Variants in HERC2 observed in about 807,000 individuals in gnomAD.
The protein encoded by HERC2 is E3 ubiquitin-protein ligase HERC2.
HERC2 carries 102 observed loss-of-function variants against 537.7 expected under a neutral mutation model. That is an observed-to-expected ratio of 0.19 (90% confidence interval 0.16 to 0.22). The LOEUF (loss-of-function observed/expected upper bound fraction) is 0.22. HERC2 is among the 10% of genes least tolerant of loss of function. HERC2 has a pLI of 1.00. For synonymous variants in HERC2, 2,224 were observed against 2,466.2 expected, an observed-to-expected ratio of 0.90 and a Z score of 2.91; for missense variants, 4,236 against 6,198.2, an observed-to-expected ratio of 0.68 and a Z score of 10.63.
At chr15:28,219,492 G>T (rs1382353202) in intron 37 of HERC2, among the ~76,000 whole-genome samples, 1 of 152,202 alleles carries the variant, frequency 6.6e-6, no homozygotes, top group African/African-American at 2.4e-5. Context: ...TCAGGGACAG[G>T]GTTCCAGGTG....
intron 4 of HERC2, among the ~76,000 whole-genome samples, chr15:28,281,451 C>G (rs1423471316): frequency 1.3e-5 from 2 of 152,196 alleles, no homozygotes; most frequent in African/African-American, 4.8e-5. Context: ...ACCAGCCTCG[C>G]AGCCCTGGAT....
chr15:28,191,172 T>A lies in HERC2; in HGVS notation c.8524A>T (p.Ser2842Cys). Reference protein sequence around the residue: ...RLKMIVDPADSSYMPSLVVVS... With the variant: ...RLKMIVDPADCSYMPSLVVVS... ...ACAACCAGGGACGGCATGTAGCTAC[T>A]GTCAGCAGGATCTACGATCATTTTT... Residue 2842 changes from serine to cysteine, a missense_variant, in exon 54 of 93, where the codon AGT (serine) becomes TGT (cysteine). By Grantham distance (112) the Ser-to-Cys change is moderately radical. Coordinates refer to ENST00000261609, the MANE Select transcript of HERC2 (RefSeq NM_004667.6). 1 of 1,613,850 alleles carries A rather than the reference T, an allele frequency of 6.2e-7. No homozygotes were observed. Among genetic ancestry groups the A allele is most frequent in the South Asian group, 1.1e-5 (1 of 91,074 alleles).
chr15:28,176,834 C>A lies in HERC2; in HGVS notation c.9433-66G>T. 1.3e-6 allele frequency: 2 copies of A among 1,585,570 alleles called. No individual in the cohort carries two copies. The highest frequency in any genetic ancestry group is 1.7e-6 in the Non-Finnish European group (2 of 1,157,682). On this transcript the variant is annotated intron_variant, in intron 61 of 92. Coordinates refer to ENST00000261609, the MANE Select transcript of HERC2 (RefSeq NM_004667.6). The surrounding 1 kb of genome is among the most constrained non-coding windows in gnomAD (Gnocchi z 5.0). ...ACGGAGAAAGCAATGGATTTTCCCA[C>A]AGATAAAGCCAACCATGCACACATC...
At chr15:28,181,013 A>G (rs1381896866) in intron 57 of HERC2, among the ~76,000 whole-genome samples, 1 of 152,214 alleles carries the variant, frequency 6.6e-6, no homozygotes, top group Non-Finnish European at 1.5e-5. Flanking sequence ...TATAATGTAA[A>G]GATAAAAACA....
Position 28,312,954 on chromosome 15 carries a change from T to C in HERC2, c.72+8408A>G, listed in dbSNP as rs370324175. ...GAGGCAGTAACAGGCTCACTTTTTG[T>C]TAGTTACTAAACTGAAGCTCAGAAG... On this transcript the variant is annotated intron_variant, in intron 2 of 92. Coordinates refer to ENST00000261609, the MANE Select transcript of HERC2 (RefSeq NM_004667.6). 177 of 165,596 alleles carry C rather than the reference T, an allele frequency of 1.1e-3. 2 individuals carry two copies. The South Asian group carries it at 0.015, about 14-fold the overall frequency. 10.3% of individuals were successfully genotyped at this position (165,596 alleles called of 1,614,324 possible). A position where few individuals can be genotyped will look rare whatever the true frequency, so the allele number is the denominator to read the frequency against.
Position 28,125,066 on chromosome 15 carries a change from T to C in HERC2, c.12930A>G (p.Ser4310=). 6.2e-7 allele frequency: 1 copy of C among 1,613,466 alleles called. No individual in the cohort carries two copies. The highest frequency in any genetic ancestry group is 8.5e-7 in the Non-Finnish European group (1 of 1,179,404). The part of the protein sequence containing the change: ...GKKVNRVACG[S]AHTLAWSTSK... ...TGGTCGACCAGGCGAGGGTATGTGC[T>C]GAGCCACAGGCCACACGGTTGACCT... Residue 4310 remains serine (S), a synonymous_variant, in exon 84 of 93, where the codon TCA becomes TCG. Transcript: ENST00000261609.
chr15:28,222,834 C>T (rs1900668865), intron 35 of HERC2, among the ~76,000 whole-genome samples: 1 of 152,158 alleles, frequency 6.6e-6, no homozygotes. Flanking sequence ...GTGTGATCAG[C>T]CCTAATGGAA....
chr15:28,150,861 C>CT (rs1339037015), intron 70 of HERC2, among the ~76,000 whole-genome samples: 2 of 152,022 alleles, frequency 1.3e-5, no homozygotes, highest in Non-Finnish European at 2.9e-5. Context: ...TGATCCAAGG[C>CT]TTTAATATCC....
At chr15:28,304,859 C>A (rs553962242) in intron 2 of HERC2, among the ~76,000 whole-genome samples, 1 of 116,574 alleles carries the variant, frequency 8.6e-6, no homozygotes, top group Non-Finnish European at 1.8e-5. Context: ...ACCCCTCCCC[C>A]CTCCCCCCAC....
intron 23 of HERC2, among the ~76,000 whole-genome samples, chr15:28,240,017 ACT>A (rs1902890521): frequency 6.6e-6 from 1 of 152,200 alleles, no homozygotes; most frequent in African/African-American, 2.4e-5. Flanking sequence ...TTAAGGAATC[ACT>A]GTTAATCTTA....
chr15:28,121,738 G>A (rs1888915441), intron 85 of HERC2, among the ~76,000 whole-genome samples: 2 of 152,216 alleles, frequency 1.3e-5, no homozygotes, highest in African/African-American at 4.8e-5. Context: ...AACAGGGAGG[G>A]CTGGGCCTGG....
At chr15:28,118,008 T>G in intron 86 of HERC2, 1 of 203,592 alleles carries the variant, frequency 4.9e-6, no homozygotes, top group African/African-American at 2.3e-5. Flanking sequence ...TCTTCACCTT[T>G]AGCTCACTTA....
intron 44 of HERC2, among the ~76,000 whole-genome samples, chr15:28,208,164 A>T (rs1898692437): frequency 6.6e-6 from 1 of 152,124 alleles, no homozygotes; most frequent in Non-Finnish European, 1.5e-5. Context: ...GATTTCTTTC[A>T]TCCTCAGCAG....
Position 28,262,989 on chromosome 15 carries a change from C to T in HERC2, c.2051G>A (p.Gly684Asp). The change falls in exon 15 of 93, where the codon GGT becomes GAT. Residue 684 changes from glycine to aspartate, a missense_variant. Physicochemically the swap from Gly to Asp is moderately conservative, Grantham distance 94 (BLOSUM62 -1). Around this residue, in one of 27 missense-constraint regions of HERC2, gnomAD observed 754 missense variants for 1,085.0 expected, o/e 0.69. Transcript: ENST00000261609. Reference protein sequence around the residue: ...KDGQVYSWGKGDNQRLGHGTE... With the variant: ...KDGQVYSWGKDDNQRLGHGTE... ...TCCATGTCCAAGTCTCTGGTTGTCACCTTTTCCCCATGAATAAACTTGGCC... is the reference window on the plus strand; with the variant it reads ...TCCATGTCCAAGTCTCTGGTTGTCATCTTTTCCCCATGAATAAACTTGGCC... 6.2e-7 allele frequency: 1 copy of T among 1,614,188 alleles called. No individual in the cohort carries two copies. The highest frequency in any genetic ancestry group is 8.5e-7 in the Non-Finnish European group (1 of 1,180,034).
intron 66 of HERC2, among the ~76,000 whole-genome samples, chr15:28,169,202 ATTC>A (rs1894455477): frequency 6.6e-6 from 1 of 152,218 alleles, no homozygotes. Flanking sequence ...GTATCACCTA[ATTC>A]TTCTTTTCTT....
At chr15:28,200,690 G>GAA (rs891494973) in intron 48 of HERC2, among the ~76,000 whole-genome samples, 4 of 151,854 alleles carry the variant, frequency 2.6e-5, no homozygotes, top group Admixed American at 1.3e-4. Flanking sequence ...CCATTTCTGA[G>GAA]AAAACTGGAA....
intron 69 of HERC2, among the ~76,000 whole-genome samples, chr15:28,155,919 C>T (rs1418979466): frequency 6.6e-6 from 1 of 152,064 alleles, no homozygotes; most frequent in Non-Finnish European, 1.5e-5. Context: ...GTCTTTAACC[C>T]ATCTTGAATT....
rs1226310945 is a variant in HERC2, at chr15:28,270,812, T to C, written c.1140A>G (p.Pro380=). The change falls in exon 10 of 93, where the codon CCA becomes CCG. Residue 380 remains proline, a synonymous_variant. Transcript: ENST00000261609. The part of the protein sequence containing the change: ...NESFLRYLTL[P]QDNELAIDLR... ...GATCAATGGCAAGCTCGTTGTCTTG[T>C]GGAAGGGTGAGGTACCTCAGGAAAC... The C allele has an allele frequency of 1.2e-6, 2 of 1,613,562 alleles. No individual in the cohort carries two copies. Among genetic ancestry groups the C allele is most frequent in the African/African-American group, 1.3e-5 (1 of 74,818 alleles).
chr15:28,163,365 C>CA lies in HERC2; in HGVS notation c.10555-81dup, dbSNP rs1893811560. 4 of 1,287,488 alleles carry CA rather than the reference C, an allele frequency of 3.1e-6. No individual in the cohort carries two copies. In the African/African-American group the frequency reaches 5.8e-5, roughly 19 times the overall value. 79.8% of individuals were successfully genotyped at this position (1,287,488 alleles called of 1,614,324 possible). ...AGAGTCACCAGTTTACCCATAAACT[C>CA]AGAGAACACATGAATACCAACGAGT... On this transcript the variant is annotated intron_variant, in intron 68 of 92. Coordinates refer to ENST00000261609, the MANE Select transcript of HERC2 (RefSeq NM_004667.6).
Sources: gnomAD v4.1 joint callset for allele counts (sites outside exome capture counted in the v4.1 genomes callset) on GRCh38, gnomAD v4.1.1 for gene constraint, gnomAD v4.1.1 regional missense constraint, Gnocchi (gnomAD v3.1) non-coding constraint, MANE v1.5 for transcripts, NCBI Gene and HGNC (gene_info 2026-07-23, HGNC 2026-07-21) for gene names.